Variants in PCDHGB3 observed in about 807,000 individuals in gnomAD.
PCDHGB3 encodes the protein protocadherin gamma subfamily B, 3.
In PCDHGB3, 40 loss-of-function variants were observed where a neutral mutation model predicts 59.2. That is an observed-to-expected ratio of 0.68 (90% confidence interval 0.52 to 0.88). The LOEUF (loss-of-function observed/expected upper bound fraction) is 0.88, where lower values mean the gene tolerates loss of function less well. Ranked by LOEUF, PCDHGB3 falls within the 40% of genes least tolerant of loss-of-function variation. The pLI is 0.00. For synonymous variants in PCDHGB3, 581 were observed against 503.6 expected (o/e 1.15, Z -2.06); for missense variants, 1,309 against 1,187.9 (o/e 1.10, Z -1.50).
Position 141,371,951 on chromosome 5 carries a change from C to T in PCDHGB3, c.1557C>T (p.Ala519=). 6.2e-7 allele frequency: 1 copy of T among 1,613,306 alleles called. No individual in the cohort carries two copies. The highest frequency in any genetic ancestry group is 8.5e-7 in the Non-Finnish European group (1 of 1,179,874). The change falls in exon 1 of 4, where the codon GCC becomes GCT. Residue 519 remains alanine, a synonymous_variant. Coordinates refer to ENST00000576222, the MANE Select transcript of PCDHGB3 (RefSeq NM_018924.5). ...ARSGVVFAQR[A]FDHEQLRAFE... is the part of the protein sequence containing the mutation. ...GCGGGGTGGTGTTCGCGCAGCGAGC[C>T]TTCGACCACGAGCAGCTGCGTGCCT...
At chr5:141,378,196 A>T (rs1197830416) in intron 1 of PCDHGB3, 1 of 152,188 alleles carries the variant, frequency 6.6e-6, no homozygotes, top group Non-Finnish European at 1.5e-5. Flanking sequence ...TGCCTACTAC[A>T]GTGTCTTTTG....
In PCDHGB3 at chr5:141,400,300, C is replaced by A. The variant is rs1267834290; in HGVS notation, c.2415+27491C>A. The stretch of plus-strand genomic sequence containing the variant: ...CCCTGCCGCCTGGAGCTGCTTCCAA[C>A]CTGGTCTCTGTGTCAAGTCTGGACC... On this transcript the variant is annotated intron_variant, in intron 1 of 3. Transcript: ENST00000576222. 6.8e-6 allele frequency: 11 copies of A among 1,613,966 alleles called. No individual in the cohort carries two copies. The African/African-American group carries it at 1.3e-4, about 20-fold the overall frequency.
chr5:141,487,750 T>A lies in PCDHGB3; in HGVS notation c.2416-7057T>A, dbSNP rs2099664307. On this transcript the variant is annotated intron_variant, in intron 1 of 3. Coordinates refer to ENST00000576222, the MANE Select transcript of PCDHGB3 (RefSeq NM_018924.5). The surrounding 1 kb of genome is among the most constrained non-coding windows in gnomAD (Gnocchi z 5.0). Reference sequence around the variant, plus strand: ...TCACCATTTTTGTAAGAGGTAACTATGTGGTAGACGCTGTGCTTTGTAACT... The same window carrying A: ...TCACCATTTTTGTAAGAGGTAACTAAGTGGTAGACGCTGTGCTTTGTAACT... 1 of 1,555,392 alleles carries A rather than the reference T, an allele frequency of 6.4e-7. No homozygotes were observed. Among genetic ancestry groups the A allele is most frequent in the African/African-American group, 1.4e-5 (1 of 73,376 alleles).
At chr5:141,399,066 G>C (rs770799351) in intron 1 of PCDHGB3, 5 of 1,613,726 alleles carry the variant, frequency 3.1e-6, no homozygotes, top group South Asian at 2.2e-5. Context: ...AATATTCAAT[G>C]GTTGTAGAAG....
chr5:141,371,202 G>A lies in PCDHGB3; in HGVS notation c.808G>A (p.Asp270Asn). ...ATTAAAAGTGATGGCCATTGACATGGATGAGGGCATCAATGCCGAAATCAT... is the reference window on the plus strand; with the variant it reads ...ATTAAAAGTGATGGCCATTGACATGAATGAGGGCATCAATGCCGAAATCAT... ...SVLKVMAIDMDEGINAEIIYA... is the reference protein window; with the variant it reads ...SVLKVMAIDMNEGINAEIIYA... The change falls in exon 1 of 4, where the codon GAT becomes AAT. Residue 270 changes from aspartate (D) to asparagine (N), a missense_variant. Asp to Asn is a conservative substitution (Grantham distance 23). Coordinates refer to ENST00000576222, the MANE Select transcript of PCDHGB3 (RefSeq NM_018924.5). The A allele has an allele frequency of 1.2e-6, 2 of 1,614,036 alleles. No individual in the cohort carries two copies. The highest frequency in any genetic ancestry group is 1.7e-6 in the Non-Finnish European group (2 of 1,179,884).
At chr5:141,475,840 A>T in intron 1 of PCDHGB3, 1 of 434,888 alleles carries the variant, frequency 2.3e-6, no homozygotes, top group Non-Finnish European at 4.1e-6. Flanking sequence ...TGTCCTGCTC[A>T]GAGAGCCCGG....
intron 1 of PCDHGB3, chr5:141,389,575 C>T: frequency 1.2e-6 from 2 of 1,613,242 alleles, no homozygotes; most frequent in African/African-American, 1.3e-5. Context: ...CTGTACCCCG[C>T]GCTGGGTCCC....
At chr5:141,420,748 C>G (rs2096523185) in intron 1 of PCDHGB3, among the ~76,000 whole-genome samples, 1 of 152,214 alleles carries the variant, frequency 6.6e-6, no homozygotes, top group Non-Finnish European at 1.5e-5. Context: ...TTGGAACCAA[C>G]TACAACCTAC....
At chr5:141,387,135 T>C (rs2090834693) in intron 1 of PCDHGB3, among the ~76,000 whole-genome samples, 1 of 152,208 alleles carries the variant, frequency 6.6e-6, no homozygotes, top group African/African-American at 2.4e-5. Context: ...ACTGAAACTA[T>C]TGGGAAGGGG....
Position 141,487,767 on chromosome 5 carries a change from T to G in PCDHGB3, c.2416-7040T>G, listed in dbSNP as rs2099665569. The G allele has an allele frequency of 5.2e-6, 8 of 1,538,298 alleles. No homozygotes were observed. The African/African-American group carries it at 9.6e-5, about 18-fold the overall frequency. On this transcript the variant is annotated intron_variant, in intron 1 of 3. Transcript: ENST00000576222. This position sits in a 1 kb window ranked among gnomAD's most constrained non-coding sequence, Gnocchi z 5.0. ...GGTAACTATGTGGTAGACGCTGTGC[T>G]TTGTAACTGTTTCGTGAATTAACCA... is the stretch of plus-strand genomic sequence containing the variant.
intron 1 of PCDHGB3, chr5:141,383,148 C>G (rs1326737910): frequency 6.2e-7 from 1 of 1,614,124 alleles, no homozygotes; most frequent in Non-Finnish European, 8.5e-7. Context: ...GCAGCGGCAG[C>G]TTGGTCACTG....
chr5:141,384,804 A>C (rs1780531756), intron 1 of PCDHGB3: 1 of 1,613,332 alleles, frequency 6.2e-7, no homozygotes, highest in Non-Finnish European at 8.5e-7. Flanking sequence ...TGCTGGACAG[A>C]GATGCCCTCA....
At chr5:141,383,621 T>A in intron 1 of PCDHGB3, 1 of 1,613,880 alleles carries the variant, frequency 6.2e-7, no homozygotes, top group East Asian at 2.2e-5. Flanking sequence ...CACACGCCTG[T>A]CTTCTCTCTG....
In PCDHGB3 at chr5:141,477,453, A is replaced by T; in HGVS notation, c.2416-17354A>T. On this transcript the variant is annotated intron_variant, in intron 1 of 3. Transcript: ENST00000576222. This position sits in a 1 kb window ranked among gnomAD's most constrained non-coding sequence, Gnocchi z 4.9. Reference sequence around the variant, plus strand: ...TCAGCCCTTACAATAGTGCGTGTTCAAGTGTCCGACATCAATGACAACCCT... The same window carrying T: ...TCAGCCCTTACAATAGTGCGTGTTCTAGTGTCCGACATCAATGACAACCCT... The T allele has an allele frequency of 6.2e-7, 1 of 1,614,136 alleles. No homozygotes were observed. The highest frequency in any genetic ancestry group is 8.5e-7 in the Non-Finnish European group (1 of 1,180,026).
intron 1 of PCDHGB3, chr5:141,385,308 C>G: frequency 1.9e-6 from 3 of 1,612,216 alleles, no homozygotes; most frequent in Non-Finnish European, 2.5e-6. Context: ...GTAAAGAAAA[C>G]CTGCCAAGTA....
intron 1 of PCDHGB3, chr5:141,408,923 G>C: frequency 6.2e-7 from 1 of 1,613,488 alleles, no homozygotes; most frequent in Non-Finnish European, 8.5e-7. Flanking sequence ...TAACCCCCCG[G>C]TTTTCAGCAG....
At chr5:141,410,438 G>T (rs957017717) in intron 1 of PCDHGB3, 1 of 1,613,894 alleles carries the variant, frequency 6.2e-7, no homozygotes, top group African/African-American at 1.3e-5. Flanking sequence ...CTACAGTGAG[G>T]GGACTTTGCC....
At chr5:141,510,358 C>T (rs186470331) in intron 3 of PCDHGB3, among the ~76,000 whole-genome samples, 187 of 144,062 alleles carry the variant, frequency 1.3e-3, no homozygotes, top group African/African-American at 4.6e-3. Context: ...ACTAACGGAA[C>T]TACCGAATCT....
At chr5:141,418,115 G>C in intron 1 of PCDHGB3, 1 of 1,614,098 alleles carries the variant, frequency 6.2e-7, no homozygotes, top group South Asian at 1.1e-5. Context: ...GGACTTACTT[G>C]TGAAGGACCG....
Sources: allele counts gnomAD v4.1 joint callset (sites outside exome capture counted in the v4.1 genomes callset), GRCh38; gene constraint gnomAD v4.1.1; non-coding constraint Gnocchi (gnomAD v3.1); transcripts MANE v1.5; gene names NCBI Gene and HGNC (gene_info 2026-07-23, HGNC 2026-07-21).